Variants in PRKG1 observed in about 807,000 individuals in gnomAD.
PRKG1 encodes cGMP-dependent protein kinase 1.
PRKG1 carries 35 observed loss-of-function variants against 88.1 expected under a neutral mutation model. The ratio of observed to expected loss-of-function variants is 0.40; its 90% CI spans 0.30 to 0.53. The LOEUF is 0.53. PRKG1 is among the 20% of genes least tolerant of loss of function. The probability of loss-of-function intolerance (pLI) is 0.59; values close to 1 mark genes in which losing one functional copy is unlikely to be tolerated. For synonymous variants in PRKG1, 303 were observed against 292.5 expected, an observed-to-expected ratio of 1.04 and a Z score of -0.37; for missense variants, 540 against 839.8, an observed-to-expected ratio of 0.64 and a Z score of 4.41.
At chr10:51,418,874 G>A (rs959744922) in intron 2 of PRKG1, among the ~76,000 whole-genome samples, 5 of 152,034 alleles carry the variant, frequency 3.3e-5, no homozygotes, top group Admixed American at 6.6e-5. Flanking sequence ...ATAATCCAAG[G>A]GAAAATTTCC....
chr10:51,441,222 C>T (rs1331576942), intron 2 of PRKG1, among the ~76,000 whole-genome samples: 2 of 151,854 alleles, frequency 1.3e-5, no homozygotes, highest in Non-Finnish European at 2.9e-5. Context: ...GTTTTTTATT[C>T]TTACTTAGAC....
At chr10:51,889,704 T>C (rs1343494099) in intron 4 of PRKG1, among the ~76,000 whole-genome samples, 1 of 152,176 alleles carries the variant, frequency 6.6e-6, no homozygotes, top group Admixed American at 6.5e-5. Context: ...TTTCTCCACA[T>C]CCTCTCCAGC....
chr10:52,017,902 G>A (rs993361158), intron 5 of PRKG1, among the ~76,000 whole-genome samples: 2 of 152,094 alleles, frequency 1.3e-5, no homozygotes, highest in Non-Finnish European at 2.9e-5. Flanking sequence ...TTCATATATT[G>A]TAATATTAGC....
At chr10:51,866,046 T>C (rs7096128) in intron 4 of PRKG1, among the ~76,000 whole-genome samples, 115,021 of 151,832 alleles carry the variant, frequency 0.76, 44,044 homozygotes, top group African/African-American at 0.87. Flanking sequence ...CAAGTGTGAG[T>C]TTATGTTCTG....
chr10:51,174,271 A>T (rs1433157465), intron 2 of PRKG1, among the ~76,000 whole-genome samples: 1 of 151,978 alleles, frequency 6.6e-6, no homozygotes, highest in East Asian at 1.9e-4. Context: ...TCTCTGTAAA[A>T]TAATTAATAA....
At chr10:51,877,407 A>G (rs1221210271) in intron 4 of PRKG1, among the ~76,000 whole-genome samples, 4 of 152,174 alleles carry the variant, frequency 2.6e-5, no homozygotes, top group African/African-American at 7.2e-5. Flanking sequence ...TAAGTGCATG[A>G]TGGTATCTAA....
At chr10:51,333,641 T>A (rs1415906064) in intron 2 of PRKG1, among the ~76,000 whole-genome samples, 1 of 152,220 alleles carries the variant, frequency 6.6e-6, no homozygotes, top group African/African-American at 2.4e-5. Flanking sequence ...ATAAAATTAT[T>A]TCAAATATTT....
intron 5 of PRKG1, among the ~76,000 whole-genome samples, chr10:51,916,881 A>T (rs1040878079): frequency 4.6e-5 from 7 of 152,226 alleles, no homozygotes; most frequent in African/African-American, 1.7e-4. Context: ...AACATGGATG[A>T]CTTTGAAAGC....
chr10:51,450,228 C>T (rs1424072028), intron 2 of PRKG1, among the ~76,000 whole-genome samples: 2 of 151,774 alleles, frequency 1.3e-5, no homozygotes, highest in African/African-American at 2.4e-5. Context: ...TTAACATAAA[C>T]GTGTTAAGAA....
chr10:51,469,264 C>A (rs768098794), intron 3 of PRKG1, among the ~76,000 whole-genome samples: 24 of 151,756 alleles, frequency 1.6e-4, no homozygotes, highest in Non-Finnish European at 2.5e-4. Context: ...ACCAGAATAG[C>A]ATATTTTGAT....
chr10:52,054,242 A>T (rs1269280022), intron 5 of PRKG1, among the ~76,000 whole-genome samples: 1 of 152,220 alleles, frequency 6.6e-6, no homozygotes, highest in East Asian at 1.9e-4. Flanking sequence ...CACATTGTGC[A>T]CATGTACCCT....
chr10:52,119,326 G>T (rs1847762054), intron 7 of PRKG1, among the ~76,000 whole-genome samples: 1 of 152,100 alleles, frequency 6.6e-6, no homozygotes. Flanking sequence ...TGTGAAAAAT[G>T]AAATGGAGAA....
intron 5 of PRKG1, among the ~76,000 whole-genome samples, chr10:51,912,268 G>C (rs1272158350): frequency 6.6e-6 from 1 of 152,172 alleles, no homozygotes; most frequent in Non-Finnish European, 1.5e-5. Flanking sequence ...AATTAAGCAG[G>C]ACCAAGTTGC....
At chr10:52,063,774 T>C (rs144775745) in intron 7 of PRKG1, among the ~76,000 whole-genome samples, 70 of 152,114 alleles carry the variant, frequency 4.6e-4, no homozygotes, top group Admixed American at 3.8e-3. Flanking sequence ...GTCGTCCCAA[T>C]GAGTGTTCAG....
At chr10:52,252,621 T>G (rs1841200595) in intron 10 of PRKG1, 1 of 152,080 alleles carries the variant, frequency 6.6e-6, no homozygotes, top group South Asian at 2.1e-4. Context: ...CCAGTACTAT[T>G]TTTATATTTG....
intron 17 of PRKG1, among the ~76,000 whole-genome samples, chr10:52,291,811 C>A (rs938076888): frequency 6.6e-6 from 1 of 151,906 alleles, no homozygotes; most frequent in African/African-American, 2.4e-5. Flanking sequence ...AGTTCTAGAT[C>A]CCTGAGGAAT....
At chr10:51,475,460 G>A (rs1840162939) in intron 3 of PRKG1, among the ~76,000 whole-genome samples, 1 of 151,992 alleles carries the variant, frequency 6.6e-6, no homozygotes, top group Non-Finnish European at 1.5e-5. Flanking sequence ...TGCCCAGTTA[G>A]TGTTAACCTA....
chr10:51,185,462 C>G (rs983219309), intron 2 of PRKG1, among the ~76,000 whole-genome samples: 3 of 151,290 alleles, frequency 2.0e-5, no homozygotes, highest in Admixed American at 6.6e-5. Context: ...GATGTTTTCT[C>G]TCTAATTCTA....
intron 4 of PRKG1, among the ~76,000 whole-genome samples, chr10:51,805,649 T>C (rs1277041158): frequency 6.6e-6 from 1 of 152,094 alleles, no homozygotes; most frequent in Non-Finnish European, 1.5e-5. Flanking sequence ...AAAAGTCAAA[T>C]TCACATTTTG....
Sources: gnomAD v4.1 joint callset for allele counts (sites outside exome capture counted in the v4.1 genomes callset) on GRCh38, gnomAD v4.1.1 for gene constraint, MANE v1.5 for transcripts, NCBI Gene and HGNC (gene_info 2026-07-23, HGNC 2026-07-21) for gene names.